Variants in CDC73 observed in about 807,000 individuals in gnomAD.
CDC73 encodes the protein parafibromin.
A neutral mutation model predicts 83.7 loss-of-function variants in CDC73; 21 were observed. The ratio of observed to expected loss-of-function variants is 0.25; its 90% CI spans 0.18 to 0.36. CDC73 has a LOEUF of 0.36. Among genes scored for constraint, CDC73 ranks in the 10% least tolerant of loss-of-function variants. The pLI is 1.00. For missense variants in CDC73, 342 were observed against 653.3 expected (o/e 0.52, Z 5.19); for synonymous variants, 224 against 212.9 (o/e 1.05, Z -0.45).
chr1:193,189,780 A>T (rs868049324), intron 10 of CDC73, among the ~76,000 whole-genome samples: 1 of 152,214 alleles, frequency 6.6e-6, no homozygotes, highest in African/African-American at 2.4e-5. Context: ...TTTTGTATTC[A>T]TGTAGTTAAT....
At chr1:193,124,789 C>G (rs1675534088) in intron 1 of CDC73, among the ~76,000 whole-genome samples, 1 of 152,156 alleles carries the variant, frequency 6.6e-6, no homozygotes, top group Admixed American at 6.5e-5. Flanking sequence ...ATTGTTTTCT[C>G]TTATGGATCC....
intron 13 of CDC73, among the ~76,000 whole-genome samples, chr1:193,215,098 G>A (rs1419301574): frequency 3.9e-5 from 6 of 152,170 alleles, no homozygotes; most frequent in Non-Finnish European, 8.8e-5. Flanking sequence ...TAAGTACAGT[G>A]AAAAATATAC....
chr1:193,199,072 A>G (rs1166036375), intron 10 of CDC73, among the ~76,000 whole-genome samples: 6 of 152,188 alleles, frequency 3.9e-5, no homozygotes, highest in Non-Finnish European at 8.8e-5. Flanking sequence ...ACTATGCTTT[A>G]TAAGTATGTT....
chr1:193,169,172 A>G (rs1230101951), intron 10 of CDC73, among the ~76,000 whole-genome samples: 1 of 152,238 alleles, frequency 6.6e-6, no homozygotes, highest in East Asian at 1.9e-4. Flanking sequence ...TGTTTAGATG[A>G]ATTTTAAGAA....
At chr1:193,205,434 A>G (rs1677173042) in intron 11 of CDC73, among the ~76,000 whole-genome samples, 1 of 152,074 alleles carries the variant, frequency 6.6e-6, no homozygotes, top group Non-Finnish European at 1.5e-5. Flanking sequence ...AGTATGGTAC[A>G]TGGGGCTTAT....
At chr1:193,191,900 C>A (rs986622369) in intron 10 of CDC73, among the ~76,000 whole-genome samples, 1 of 152,014 alleles carries the variant, frequency 6.6e-6, no homozygotes, top group Admixed American at 6.6e-5. Context: ...TGGGTCAGCA[C>A]CTTTGAATAA....
intron 10 of CDC73, among the ~76,000 whole-genome samples, chr1:193,167,511 A>G (rs188579206): frequency 7.2e-5 from 11 of 152,284 alleles, no homozygotes; most frequent in Admixed American, 2.0e-4. Flanking sequence ...CAGTAGTGAA[A>G]GGCTAATAGT....
intron 15 of CDC73, 137 bp from the exon 16 acceptor site, chr1:193,249,593 A>T: frequency 1.4e-6 from 1 of 696,414 alleles, no homozygotes; most frequent in South Asian, 1.7e-5. Context: ...GCGTGTATAA[A>T]CCCTGAATGT....
intron 10 of CDC73, among the ~76,000 whole-genome samples, chr1:193,173,846 G>A (rs1374546467): frequency 1.3e-5 from 2 of 152,024 alleles, no homozygotes; most frequent in Non-Finnish European, 2.9e-5. Context: ...TATGTAACAT[G>A]ATCTAGTGGC....
chr1:193,224,010 A>C (rs1053752734), intron 13 of CDC73, among the ~76,000 whole-genome samples: 2 of 151,962 alleles, frequency 1.3e-5, no homozygotes, highest in East Asian at 3.8e-4. Flanking sequence ...GAAATATTCA[A>C]ATTATTCTTT....
chr1:193,162,326 CTATATACTATATATTA>C (rs899982804), intron 10 of CDC73, among the ~76,000 whole-genome samples: 1 of 129,402 alleles, frequency 7.7e-6, no homozygotes, highest in African/African-American at 2.9e-5. Context: ...ATCATATATA[CTATATACTATATATTA>C]TATATACATA....
intron 13 of CDC73, among the ~76,000 whole-genome samples, chr1:193,220,157 CTTTTTTTTTTT>C (rs776793164): frequency 1.0e-4 from 11 of 108,786 alleles, no homozygotes; most frequent in Non-Finnish European, 1.3e-4. Flanking sequence ...ACAATGATAA[CTTTTTTTTTTT>C]TTTTTTTTTT....
At chr1:193,140,618 A>G (rs1675888061) in intron 6 of CDC73, among the ~76,000 whole-genome samples, 1 of 152,178 alleles carries the variant, frequency 6.6e-6, no homozygotes, top group Admixed American at 6.5e-5. Flanking sequence ...GCCATAGTCG[A>G]TCTGATAACC....
intron 13 of CDC73, among the ~76,000 whole-genome samples, chr1:193,212,725 T>G (rs890927736): frequency 1.3e-5 from 2 of 152,172 alleles, no homozygotes; most frequent in Non-Finnish European, 2.9e-5. Context: ...GTATTAACTT[T>G]TAATATGAAT....
At chr1:193,149,870 C>T (rs934385488) in intron 8 of CDC73, among the ~76,000 whole-genome samples, 4 of 152,028 alleles carry the variant, frequency 2.6e-5, no homozygotes, top group Non-Finnish European at 5.9e-5. Context: ...TTCAGTCTTA[C>T]TCTGTTTATA....
rs998851470 is a variant in CDC73 at position 193,150,108 on chromosome 1, T to TA, written c.829-183dup. ...GCAGCATGGTGAAACTTTGTCTTTA[T>TA]AAAAAAAAAAAAATTAGCTGAGTGT... On this transcript the variant is annotated intron_variant, in intron 8 of 16. Transcript: ENST00000367435. 3.2e-3 allele frequency among the ~76,000 whole-genome samples: 455 copies of TA among 143,318 alleles called. 1 individual carries two copies. The highest frequency in any genetic ancestry group is 9.0e-3 in the African/African-American group (353 of 39,358). 94.0% of individuals were successfully genotyped at this position (143,318 alleles called of 152,430 possible).
intron 10 of CDC73, among the ~76,000 whole-genome samples, chr1:193,200,305 C>T (rs1163832201): frequency 1.3e-5 from 2 of 152,066 alleles, no homozygotes; most frequent in African/African-American, 2.4e-5. Context: ...TCACTTGCAA[C>T]AAATATTTTT....
intron 15 of CDC73, among the ~76,000 whole-genome samples, chr1:193,242,865 G>A (rs143834246): frequency 2.0e-5 from 3 of 152,174 alleles, no homozygotes; most frequent in Non-Finnish European, 4.4e-5. Context: ...TCTGAGTTGT[G>A]TGAAATATTT....
At chr1:193,180,066 C>T (rs763137767) in intron 10 of CDC73, 17 of 353,794 alleles carry the variant, frequency 4.8e-5, no homozygotes, top group Non-Finnish European at 7.0e-5. Context: ...TGTTAATACA[C>T]AGAATCTCCT....
Sources: allele counts gnomAD v4.1 joint callset (sites outside exome capture counted in the v4.1 genomes callset), GRCh38; gene constraint gnomAD v4.1.1; transcripts MANE v1.5; gene names NCBI Gene and HGNC (gene_info 2026-07-23, HGNC 2026-07-21).